SLC25A21: variants seen among roughly 807,000 people sequenced by gnomAD.
SLC25A21 encodes mitochondrial 2-oxodicarboxylate carrier.
Under a neutral mutation model 43.8 loss-of-function variants are expected in SLC25A21, and 47 were observed. The observed-to-expected ratio is 1.07, with a 90% CI of 0.85 to 1.37. The LOEUF is 1.37. Among genes scored for constraint, SLC25A21 ranks in the 40% most tolerant of loss-of-function variants. The pLI is 0.00. For missense variants in SLC25A21, 352 were observed against 350.2 expected, an observed-to-expected ratio of 1.00 and a Z score of -0.04; for synonymous variants, 131 against 121.3, an observed-to-expected ratio of 1.08 and a Z score of -0.52.
At chr14:36,840,046 AAG>A (rs574063948) in intron 2 of SLC25A21, among the ~76,000 whole-genome samples, 1 of 152,310 alleles carries the variant, frequency 6.6e-6, no homozygotes, top group East Asian at 1.9e-4. Flanking sequence ...CTTGAGGGGA[AAG>A]AGATGACTCA....
intron 1 of SLC25A21, among the ~76,000 whole-genome samples, chr14:37,146,506 C>T (rs1467514729): frequency 2.0e-5 from 3 of 152,130 alleles, no homozygotes; most frequent in African/African-American, 7.2e-5. Context: ...CTTGGCCTCC[C>T]AAAGTGCTGG....
intron 6 of SLC25A21, among the ~76,000 whole-genome samples, chr14:36,724,806 T>C (rs1036682107): frequency 3.9e-5 from 6 of 152,064 alleles, no homozygotes; most frequent in Admixed American, 2.0e-4. Context: ...TCTTCCAGGA[T>C]GGGTGGTGGG....
intron 1 of SLC25A21, among the ~76,000 whole-genome samples, chr14:36,973,321 G>A (rs894531973): frequency 6.6e-6 from 1 of 152,108 alleles, no homozygotes; most frequent in African/African-American, 2.4e-5. Flanking sequence ...GGAGAAAAGG[G>A]GTGAACAACT....
At chr14:36,775,054 T>C (rs848121) in intron 3 of SLC25A21, among the ~76,000 whole-genome samples, 98,752 of 152,086 alleles carry the variant, frequency 0.65, 32,965 homozygotes, top group East Asian at 0.89. Flanking sequence ...ATAAGTATAA[T>C]AACAGTAATT....
chr14:36,774,423 C>A (rs1443386039), intron 3 of SLC25A21, among the ~76,000 whole-genome samples: 1 of 152,200 alleles, frequency 6.6e-6, no homozygotes, highest in Non-Finnish European at 1.5e-5. Flanking sequence ...TTTCTCAGTA[C>A]TTTTCCTGAG....
intron 7 of SLC25A21, among the ~76,000 whole-genome samples, chr14:36,696,282 T>C (rs1883021399): frequency 2.0e-5 from 3 of 152,194 alleles, no homozygotes; most frequent in African/African-American, 7.2e-5. Context: ...TGGATAAACT[T>C]TTTGATGTGC....
intron 1 of SLC25A21, among the ~76,000 whole-genome samples, chr14:37,025,559 A>G: frequency 6.6e-6 from 1 of 152,206 alleles, no homozygotes; most frequent in Non-Finnish European, 1.5e-5. Flanking sequence ...TTTTGACACC[A>G]AGTGAACAAC....
intron 1 of SLC25A21, among the ~76,000 whole-genome samples, chr14:36,979,349 T>TTTTG (rs371510357): frequency 1.4e-4 from 21 of 146,312 alleles, no homozygotes; most frequent in Non-Finnish European, 1.8e-4. Flanking sequence ...TTTTTACTGT[T>TTTTG]TTTGTTTGTT....
At chr14:37,115,756 G>T (rs1227141559) in intron 1 of SLC25A21, among the ~76,000 whole-genome samples, 2 of 152,152 alleles carry the variant, frequency 1.3e-5, no homozygotes, top group African/African-American at 4.8e-5. Flanking sequence ...ACTAAAGCAT[G>T]ACCAAAACAT....
intron 3 of SLC25A21, chr14:36,807,232 G>C (rs1284411216): frequency 6.6e-6 from 1 of 152,246 alleles, no homozygotes; most frequent in African/African-American, 2.4e-5. Flanking sequence ...AACTCCACCG[G>C]ATCTGTAGTC....
intron 6 of SLC25A21, among the ~76,000 whole-genome samples, chr14:36,712,942 G>GTGCTGGGTAA (rs1883950916): frequency 6.6e-6 from 1 of 152,132 alleles, no homozygotes; most frequent in Non-Finnish European, 1.5e-5. Flanking sequence ...TTGTTGGAAA[G>GTGCTGGGTAA]ACCCTGGAAG....
At chr14:37,168,382 C>G (rs1314262937) in intron 1 of SLC25A21, among the ~76,000 whole-genome samples, 1 of 152,170 alleles carries the variant, frequency 6.6e-6, no homozygotes, top group Non-Finnish European at 1.5e-5. Flanking sequence ...AGGCTACTGT[C>G]AGTGCATCAA....
At chr14:36,844,113 G>A (rs992085793) in intron 2 of SLC25A21, among the ~76,000 whole-genome samples, 7 of 152,188 alleles carry the variant, frequency 4.6e-5, no homozygotes, top group African/African-American at 1.7e-4. Flanking sequence ...CTCAGTTTAG[G>A]TGGGCATATA....
At chr14:37,157,357 G>A (rs931606948) in intron 1 of SLC25A21, among the ~76,000 whole-genome samples, 2 of 151,702 alleles carry the variant, frequency 1.3e-5, no homozygotes, top group African/African-American at 4.8e-5. Context: ...GCAAGACTCT[G>A]ACTCAAAAAG....
chr14:37,055,575 C>A (rs1275859235), intron 1 of SLC25A21, among the ~76,000 whole-genome samples: 3 of 152,058 alleles, frequency 2.0e-5, no homozygotes, highest in Non-Finnish European at 2.9e-5. Context: ...TTCTGGTGGG[C>A]CTGAGCTGCC....
intron 1 of SLC25A21, among the ~76,000 whole-genome samples, chr14:36,875,260 T>C (rs918231762): frequency 6.6e-6 from 1 of 152,064 alleles, no homozygotes; most frequent in African/African-American, 2.4e-5. Flanking sequence ...AAAGAAAATT[T>C]AAAAAATAAT....
At chr14:37,128,510 A>G (rs1330433145) in intron 1 of SLC25A21, among the ~76,000 whole-genome samples, 1 of 141,522 alleles carries the variant, frequency 7.1e-6, no homozygotes, top group Non-Finnish European at 1.5e-5. Context: ...CATGTTAAGC[A>G]TTACTTTCTG....
At chr14:36,699,625 CTT>C (rs1883191634) in intron 7 of SLC25A21, among the ~76,000 whole-genome samples, 1 of 152,174 alleles carries the variant, frequency 6.6e-6, no homozygotes, top group Non-Finnish European at 1.5e-5. Flanking sequence ...TTCCTGGCCG[CTT>C]TGTTTACCTA....
chr14:37,124,747 C>T (rs1379540391), intron 1 of SLC25A21, among the ~76,000 whole-genome samples: 4 of 152,150 alleles, frequency 2.6e-5, no homozygotes, highest in Admixed American at 2.6e-4. Context: ...TGGGAGGTGA[C>T]TGGATCTTAA....
Sources: allele counts gnomAD v4.1 joint callset (sites outside exome capture counted in the v4.1 genomes callset), GRCh38; gene constraint gnomAD v4.1.1; transcripts MANE v1.5; gene names NCBI Gene and HGNC (gene_info 2026-07-23, HGNC 2026-07-21).